The following ADGRB3 variants were observed in gnomAD, a reference collection of about 807,000 sequenced individuals.
ADGRB3 encodes adhesion G protein-coupled receptor B3.
A neutral mutation model predicts 193.4 loss-of-function variants in ADGRB3; 37 were observed. The ratio of observed to expected loss-of-function variants is 0.19; its 90% CI spans 0.15 to 0.25. ADGRB3 has a LOEUF of 0.25. ADGRB3 is among the 10% of genes least tolerant of loss of function. The pLI is 1.00. For synonymous variants in ADGRB3, 690 were observed against 644.2 expected, an observed-to-expected ratio of 1.07 and a Z score of -1.08; for missense variants, 1,637 against 1,852.9, an observed-to-expected ratio of 0.88 and a Z score of 2.14.
At chr6:69,361,804 A>AAGTT (rs59674254) in intron 29 of ADGRB3, among the ~76,000 whole-genome samples, 149,068 of 151,608 alleles carry the variant, frequency 0.98, 73,297 homozygotes, top group East Asian at 1. Flanking sequence ...CATGGGAACT[A>AAGTT]AGGCACTCAT....
intron 3 of ADGRB3, among the ~76,000 whole-genome samples, chr6:68,669,314 A>T (rs949734248): frequency 6.6e-6 from 1 of 151,790 alleles, no homozygotes; most frequent in African/African-American, 2.4e-5. Context: ...ATAGCACAAC[A>T]TCTGTTCTAT....
chr6:69,046,614 G>T (rs1056844599), intron 13 of ADGRB3, among the ~76,000 whole-genome samples: 1 of 152,102 alleles, frequency 6.6e-6, no homozygotes, highest in Non-Finnish European at 1.5e-5. Context: ...TTAAAGCTTA[G>T]TATGTCATAT....
chr6:69,045,567 C>G (rs568853497), intron 13 of ADGRB3, among the ~76,000 whole-genome samples: 1 of 152,050 alleles, frequency 6.6e-6, no homozygotes, highest in African/African-American at 2.4e-5. Context: ...GCTATTAGCT[C>G]AAATTAGCTA....
chr6:68,744,531 C>A (rs1204093132), intron 3 of ADGRB3, among the ~76,000 whole-genome samples: 1 of 152,090 alleles, frequency 6.6e-6, no homozygotes, highest in Non-Finnish European at 1.5e-5. Flanking sequence ...ATGTGGCACA[C>A]ATACACCGTG....
chr6:69,136,897 T>C (rs1354122856), intron 17 of ADGRB3, among the ~76,000 whole-genome samples: 2 of 152,118 alleles, frequency 1.3e-5, no homozygotes, highest in Non-Finnish European at 2.9e-5. Flanking sequence ...ATTGAATACA[T>C]AATATTTTCT....
chr6:68,877,673 CT>C (rs1028779154), intron 3 of ADGRB3, among the ~76,000 whole-genome samples: 86 of 152,144 alleles, frequency 5.7e-4, no homozygotes, highest in African/African-American at 2.0e-3. Flanking sequence ...AAGACATTAT[CT>C]TTCTTCTTGC....
At chr6:69,319,636 G>A (rs1392001020) in intron 20 of ADGRB3, among the ~76,000 whole-genome samples, 2 of 151,286 alleles carry the variant, frequency 1.3e-5, no homozygotes, top group Admixed American at 6.6e-5. Context: ...TTATAAAGAT[G>A]TGTTCCTTCT....
At chr6:68,862,018 C>T (rs1236557120) in intron 3 of ADGRB3, among the ~76,000 whole-genome samples, 1 of 152,078 alleles carries the variant, frequency 6.6e-6, no homozygotes, top group African/African-American at 2.4e-5. Flanking sequence ...TCTTGCTTCT[C>T]GGGAGCAAGT....
At chr6:69,138,301 T>C (rs1774213827) in intron 17 of ADGRB3, among the ~76,000 whole-genome samples, 1 of 152,218 alleles carries the variant, frequency 6.6e-6, no homozygotes, top group African/African-American at 2.4e-5. Context: ...CAGTGTGTGG[T>C]TAACTATTTC....
intron 10 of ADGRB3, among the ~76,000 whole-genome samples, chr6:68,988,756 A>G (rs186426438): frequency 7.2e-5 from 11 of 152,146 alleles, no homozygotes; most frequent in Admixed American, 6.6e-4. Context: ...TCACACAAGC[A>G]GCGATGCCCT....
chr6:69,109,057 C>T (rs946367703), intron 17 of ADGRB3, among the ~76,000 whole-genome samples: 2 of 152,116 alleles, frequency 1.3e-5, no homozygotes, highest in African/African-American at 4.8e-5. Context: ...AATAGGAAGC[C>T]ACTGAAGGGC....
Position 68,688,083 on chromosome 6 carries a change from A to T in ADGRB3, c.757+48651A>T, listed in dbSNP as rs116001527. 1.3e-4 allele frequency among the ~76,000 whole-genome samples: 20 copies of T among 152,284 alleles called. 1 individual carries two copies. Among genetic ancestry groups the T allele is most frequent in the Admixed American group, 2.0e-4 (3 of 15,296 alleles). The stretch of plus-strand genomic sequence containing the variant: ...GTAACCTGTCCAAAAAAATTAAGTC[A>T]TGGAAGCTGGAGCTCTTTACATCCA... On this transcript the variant is annotated intron_variant, in intron 3 of 31. Transcript: ENST00000370598.
At chr6:68,659,894 T>C (rs1768584229) in intron 3 of ADGRB3, among the ~76,000 whole-genome samples, 1 of 151,074 alleles carries the variant, frequency 6.6e-6, no homozygotes, top group African/African-American at 2.4e-5. Context: ...AAGGATTAAC[T>C]ACTATTAATT....
At chr6:68,965,458 G>A (rs1178166790) in intron 8 of ADGRB3, among the ~76,000 whole-genome samples, 1 of 151,590 alleles carries the variant, frequency 6.6e-6, no homozygotes, top group Non-Finnish European at 1.5e-5. Context: ...TTTTTTTTGT[G>A]TGTGTGTATA....
At chr6:69,063,107 A>G (rs1771798505) in intron 16 of ADGRB3, 71 bp downstream of exon 16, 1 of 1,141,562 alleles carries the variant, frequency 8.8e-7, no homozygotes, top group South Asian at 1.3e-5. Context: ...TTCAACTGAT[A>G]ACACCAGAAT....
chr6:69,350,891 A>G (rs1769207410), intron 26 of ADGRB3, among the ~76,000 whole-genome samples: 1 of 152,050 alleles, frequency 6.6e-6, no homozygotes, highest in Admixed American at 6.6e-5. Flanking sequence ...AGTCTCTCTT[A>G]GTTTACCAGA....
intron 20 of ADGRB3, among the ~76,000 whole-genome samples, chr6:69,296,080 T>A (rs541023798): frequency 6.6e-6 from 1 of 152,276 alleles, no homozygotes; most frequent in Admixed American, 6.5e-5. Flanking sequence ...TCCTATTGCT[T>A]CTGTTGGCAT....
At position 68,856,818 on chromosome 6, in the gene ADGRB3, G is replaced by A. The variant is rs1274072814; in HGVS notation, c.758-73741G>A. Among the ~76,000 whole-genome samples, 3 of 152,186 alleles carry A rather than the reference G, an allele frequency of 2.0e-5. No individual in the cohort carries two copies. The East Asian group carries it at 5.8e-4, about 29-fold the overall frequency. On this transcript the variant is annotated intron_variant, in intron 3 of 31. Transcript: ENST00000370598. ...GGGAAAATGTCTCCAGGGCATGTCA[G>A]AGGTCTTGACAGCAGCCCTTCCCAT...
chr6:69,242,404 C>T (rs1175788876), intron 20 of ADGRB3, among the ~76,000 whole-genome samples: 3 of 151,566 alleles, frequency 2.0e-5, no homozygotes, highest in East Asian at 3.9e-4. Flanking sequence ...TATAAACATC[C>T]GAGAGAGCTT....
Sources: gnomAD v4.1 joint callset for allele counts (sites outside exome capture counted in the v4.1 genomes callset) on GRCh38, gnomAD v4.1.1 for gene constraint, MANE v1.5 for transcripts, NCBI Gene and HGNC (gene_info 2026-07-23, HGNC 2026-07-21) for gene names.